Variants in JDP2 observed in about 807,000 individuals in gnomAD.
JDP2 encodes the protein Jun dimerization protein 2.
Under a neutral mutation model 17.1 loss-of-function variants are expected in JDP2, and 9 were observed. The ratio of observed to expected loss-of-function variants is 0.53; its 90% CI spans 0.32 to 0.92. The LOEUF is 0.92. Ranked by LOEUF, JDP2 falls within the 40% of genes least tolerant of loss-of-function variation. The pLI, the probability that JDP2 is intolerant of heterozygous loss-of-function variation, is 0.04. For synonymous variants in JDP2, 107 were observed against 95.6 expected (o/e 1.12, Z -0.69); for missense variants, 179 against 220.0 (o/e 0.81, Z 1.18).
At chr14:75,443,138 A>G (rs945746069) in intron 2 of JDP2, among the ~76,000 whole-genome samples, 1 of 152,160 alleles carries the variant, frequency 6.6e-6, no homozygotes, top group Non-Finnish European at 1.5e-5. Context: ...ATAGGAATCC[A>G]TGGACCAGAG....
chr14:75,454,584 A>C (rs961582900), intron 2 of JDP2, among the ~76,000 whole-genome samples: 4 of 152,220 alleles, frequency 2.6e-5, no homozygotes, highest in Admixed American at 1.3e-4. Flanking sequence ...GAATAGATTA[A>C]GGTTCTCATG....
Position 75,471,076 on chromosome 14 carries a change from C to G in JDP2, c.*1601C>G, listed in dbSNP as rs537310593. The G allele has an allele frequency of 2.6e-5, 4 of 152,232 alleles. No individual in the cohort carries two copies. Among genetic ancestry groups the G allele is most frequent in the Non-Finnish European group, 5.9e-5 (4 of 68,050 alleles). 9.4% of individuals were successfully genotyped at this position (152,232 alleles called of 1,614,324 possible). A position where few individuals can be genotyped will look rare whatever the true frequency, so the allele number is the denominator to read the frequency against. On this transcript the variant is annotated 3_prime_UTR_variant, in exon 4 of 4. Transcript: ENST00000651602. ...ACTCTCCCTCCAGAGGCCTGTGACT[C>G]TCCTCCTGTCACCAACCCACTATGA...
intron 2 of JDP2, 25 bp downstream of exon 2, chr14:75,438,146 A>C (rs569510750): frequency 1.8e-5 from 28 of 1,561,150 alleles, no homozygotes; most frequent in Non-Finnish European, 2.3e-5. Context: ...TACCCCTGGC[A>C]GATTCCAGGT....
In JDP2 at chr14:75,470,189, T is replaced by A. The variant is rs999682024; in HGVS notation, c.*714T>A. ...ATACTTTCCTTTTTTTTTTTTTTTT[T>A]AATATTTTTTACAAAAAAAAAGATT... is the stretch of plus-strand genomic sequence containing the variant. On this transcript the variant is annotated 3_prime_UTR_variant, in exon 4 of 4. Coordinates refer to ENST00000651602, the MANE Select transcript of JDP2 (RefSeq NM_001135048.2). 5 of 150,116 alleles carry A rather than the reference T, an allele frequency of 3.3e-5. No homozygotes were observed. Among genetic ancestry groups the A allele is most frequent in the South Asian group, 2.1e-4 (1 of 4,790 alleles). The allele number at this position is 150,116 out of a possible 1,614,324, so 9.3% of individuals were successfully genotyped here. A position where few individuals can be genotyped will look rare whatever the true frequency, so the allele number is the denominator to read the frequency against.
At chr14:75,427,676 CGGTGCGCGGGG>C (rs1375422965), upstream of JDP2, 1 of 153,466 alleles carries the variant, frequency 6.5e-6, no homozygotes, top group East Asian at 1.9e-4. This position sits in a 1 kb window ranked among gnomAD's most constrained non-coding sequence, Gnocchi z 4.4. Context: ...AGCCGGGCGG[CGGTGCGCGGGG>C]GGTGCGCTTA....
At chr14:75,442,756 G>A (rs1427960176) in intron 2 of JDP2, among the ~76,000 whole-genome samples, 2 of 152,186 alleles carry the variant, frequency 1.3e-5, no homozygotes, top group Non-Finnish European at 2.9e-5. Flanking sequence ...CAAGGTCCAT[G>A]GAATCAGAAT....
chr14:75,433,177 A>G (rs1448791009), intron 1 of JDP2, among the ~76,000 whole-genome samples: 2 of 129,690 alleles, frequency 1.5e-5, no homozygotes, highest in Admixed American at 1.7e-4. Flanking sequence ...CCTGGGCAAC[A>G]AGAGTGAAAC....
chr14:75,466,713 G>A (rs1886583490), intron 3 of JDP2, among the ~76,000 whole-genome samples: 1 of 152,132 alleles, frequency 6.6e-6, no homozygotes, highest in Admixed American at 6.5e-5. Flanking sequence ...CCCCTTGCAT[G>A]TCCAGTTTTA....
chr14:75,454,765 A>G (rs1412419047), intron 2 of JDP2, among the ~76,000 whole-genome samples: 3 of 152,128 alleles, frequency 2.0e-5, no homozygotes, highest in African/African-American at 7.2e-5. Flanking sequence ...GGGACAGGGA[A>G]GAACTTGTCG....
At chr14:75,434,785 C>A (rs1884984900) in intron 1 of JDP2, among the ~76,000 whole-genome samples, 1 of 152,068 alleles carries the variant, frequency 6.6e-6, no homozygotes, top group South Asian at 2.1e-4. Context: ...TTCTTGGGGT[C>A]TACTGTGGGA....
At position 75,428,939 on chromosome 14, in the gene JDP2, T is replaced by G. The variant is rs575195619; in HGVS notation, c.-24+687T>G. On this transcript the variant is annotated intron_variant, in intron 1 of 3. Transcript: ENST00000651602. The surrounding 1 kb of genome is among the most constrained non-coding windows in gnomAD (Gnocchi z 5.6). The stretch of plus-strand genomic sequence containing the variant: ...AAGGAGGCAAGCAGGCTCCTGTAGG[T>G]AACCAGCCTCTCCCTTGCCCAGCCC... 1.3e-5 allele frequency among the ~76,000 whole-genome samples: 2 copies of G among 151,968 alleles called. No homozygotes were observed. Among genetic ancestry groups the G allele is most frequent in the East Asian group, 3.9e-4 (2 of 5,152 alleles).
chr14:75,459,416 G>C (rs1330771225), intron 2 of JDP2, among the ~76,000 whole-genome samples: 3 of 152,210 alleles, frequency 2.0e-5, no homozygotes, highest in Non-Finnish European at 4.4e-5. Context: ...TGTTGACGAG[G>C]CGCCTCTGCA....
intron 1 of JDP2, among the ~76,000 whole-genome samples, chr14:75,431,618 T>A (rs1884801291): frequency 6.6e-6 from 1 of 152,236 alleles, no homozygotes; most frequent in Non-Finnish European, 1.5e-5. Flanking sequence ...GGGCAGGTGC[T>A]GGGCCCCATT....
intron 2 of JDP2, among the ~76,000 whole-genome samples, chr14:75,451,153 C>G (rs1885840304): frequency 1.3e-5 from 2 of 152,144 alleles, no homozygotes; most frequent in African/African-American, 4.8e-5. Flanking sequence ...GGAGCTTGGG[C>G]CTCATCCGGA....
At chr14:75,451,166 G>T (rs1032368127) in intron 2 of JDP2, among the ~76,000 whole-genome samples, 2 of 152,200 alleles carry the variant, frequency 1.3e-5, no homozygotes, top group African/African-American at 4.8e-5. Context: ...CATCCGGAGG[G>T]TAAGGTGCAC....
intron 3 of JDP2, among the ~76,000 whole-genome samples, chr14:75,467,468 T>C (rs1033118260): frequency 5.9e-5 from 9 of 152,174 alleles, no homozygotes; most frequent in African/African-American, 2.2e-4. Context: ...CTCATGGCTC[T>C]TGGATTCCCC....
chr14:75,471,541 A>G lies in JDP2; in HGVS notation c.*2066A>G, dbSNP rs776532416. ...CTGGTGATGACTTCGTGTCAAGAAC[A>G]GCAGTGAACCTGGGTTGCTTCCCAA... On this transcript the variant is annotated 3_prime_UTR_variant, in exon 4 of 4. Transcript: ENST00000651602. 3 of 152,298 alleles carry G rather than the reference A, an allele frequency of 2.0e-5. No individual in the cohort carries two copies. The highest frequency in any genetic ancestry group is 4.4e-5 in the Non-Finnish European group (3 of 68,060). 9.4% of individuals were successfully genotyped at this position (152,298 alleles called of 1,614,324 possible). A position where few individuals can be genotyped will look rare whatever the true frequency, so the allele number is the denominator to read the frequency against.
chr14:75,433,195 C>CAAAAAAA (rs780191475), intron 1 of JDP2, among the ~76,000 whole-genome samples: 914 of 19,400 alleles, frequency 0.047, 171 homozygotes, highest in Non-Finnish European at 0.072. Context: ...AACTCCGTCT[C>CAAAAAAA]AAAAAAAAAA....
At chr14:75,464,817 C>T (rs961976735) in intron 3 of JDP2, among the ~76,000 whole-genome samples, 10 of 152,230 alleles carry the variant, frequency 6.6e-5, no homozygotes, top group South Asian at 2.1e-4. Context: ...CCCACAGGCC[C>T]TGGGGCTGCC....
Sources: gnomAD v4.1 joint callset for allele counts (sites outside exome capture counted in the v4.1 genomes callset) on GRCh38, gnomAD v4.1.1 for gene constraint, Gnocchi (gnomAD v3.1) non-coding constraint, MANE v1.5 for transcripts, NCBI Gene and HGNC (gene_info 2026-07-23, HGNC 2026-07-21) for gene names.